The following MYH9 variants were observed in gnomAD, a reference collection of about 807,000 sequenced individuals.
MYH9 encodes the protein myosin heavy chain 9, also known as myosin-9.
A neutral mutation model predicts 241.9 loss-of-function variants in MYH9; 29 were observed. That is an observed-to-expected ratio of 0.12 (90% confidence interval 0.09 to 0.16). The LOEUF is 0.16. MYH9 is among the 10% of genes least tolerant of loss of function. The pLI, the probability that MYH9 is intolerant of heterozygous loss-of-function variation, is 1.00. For synonymous variants in MYH9, 1,047 were observed against 1,062.6 expected (o/e 0.99, Z 0.29); for missense variants, 1,803 against 2,595.5 (o/e 0.69, Z 6.63).
At chr22:36,370,766 G>C (rs2018078175) in intron 1 of MYH9, among the ~76,000 whole-genome samples, 1 of 150,770 alleles carries the variant, frequency 6.6e-6, no homozygotes, top group African/African-American at 2.4e-5. Flanking sequence ...CCCCCACCCA[G>C]TTCTCAAGTG....
rs1454195423 is a variant in MYH9 at position 36,301,037 on chromosome 22, C to T, written c.2652G>A (p.Gln884=). The change falls in exon 22 of 41, where the codon CAG becomes CAA. Residue 884 remains glutamine (Q), a synonymous_variant. Transcript: ENST00000216181. Reference sequence around the variant, plus strand: ...TTTCTGCCTGGAGCTGCTCCTGCAGCTGCAATTTCTCTGCCATGAGCTGCA... The same window carrying T: ...TTTCTGCCTGGAGCTGCTCCTGCAGTTGCAATTTCTCTGCCATGAGCTGCA... ...LQSQLMAEKL[Q]LQEQLQAETE... is the part of the protein sequence containing the mutation. The T allele has an allele frequency of 3.1e-6, 5 of 1,610,594 alleles. No homozygotes were observed. The highest frequency in any genetic ancestry group is 1.7e-5 in the Admixed American group (1 of 60,026).
intron 11 of MYH9, among the ~76,000 whole-genome samples, 154 bp from the exon 12 acceptor site, chr22:36,316,823 G>C (rs2017161034): frequency 6.6e-6 from 1 of 152,110 alleles, no homozygotes; most frequent in Non-Finnish European, 1.5e-5. Flanking sequence ...ACACAAATAT[G>C]TTCACTGTGG....
At chr22:36,328,078 TGTGTC>T (rs1426626346) in intron 3 of MYH9, among the ~76,000 whole-genome samples, 1 of 152,226 alleles carries the variant, frequency 6.6e-6, no homozygotes, top group Non-Finnish European at 1.5e-5. Context: ...TAACAGTACT[TGTGTC>T]CACAACACAT....
At chr22:36,290,920 C>T (rs1225261662) in intron 31 of MYH9, among the ~76,000 whole-genome samples, 2 of 151,894 alleles carry the variant, frequency 1.3e-5, no homozygotes, top group South Asian at 2.1e-4. Flanking sequence ...GCAACCGCCC[C>T]GTCTGAGAGG....
In MYH9 at chr22:36,349,432, C is replaced by T. The variant is rs2017732907; in HGVS notation, c.-19-177G>A. Among the ~76,000 whole-genome samples, 6 of 152,238 alleles carry T rather than the reference C, an allele frequency of 3.9e-5. No homozygotes were observed. The South Asian group carries it at 1.2e-3, about 32-fold the overall frequency. Reference sequence around the variant, plus strand: ...ACTTTTGGGATAAAGATGTGCATCACTGAAAAAACAAGTTGGGCCCAGGAC... The same window carrying T: ...ACTTTTGGGATAAAGATGTGCATCATTGAAAAAACAAGTTGGGCCCAGGAC... On this transcript the variant is annotated intron_variant, in intron 1 of 40. Coordinates refer to ENST00000216181, the MANE Select transcript of MYH9 (RefSeq NM_002473.6).
In MYH9 at chr22:36,295,135, G is replaced by C; in HGVS notation, c.3486-59C>G. 1.2e-6 allele frequency: 2 copies of C among 1,611,896 alleles called. No individual in the cohort carries two copies. Among genetic ancestry groups the C allele is most frequent in the South Asian group, 2.2e-5 (2 of 91,024 alleles). On this transcript the variant is annotated intron_variant, in intron 26 of 40. Transcript: ENST00000216181. The surrounding 1 kb of genome is among the most constrained non-coding windows in gnomAD (Gnocchi z 4.1). The stretch of plus-strand genomic sequence containing the variant: ...GGGATGCTGGAGCGAGGCTGTCCCT[G>C]GGGCTCTTCCCTGACCAAAGAGAGG...
chr22:36,380,306 C>T (rs1056824062), intron 1 of MYH9, among the ~76,000 whole-genome samples: 1 of 152,230 alleles, frequency 6.6e-6, no homozygotes, highest in Non-Finnish European at 1.5e-5. Context: ...ATTCAAAACA[C>T]CCCTCTGATC....
intron 1 of MYH9, among the ~76,000 whole-genome samples, chr22:36,352,933 C>G (rs1461895267): frequency 6.6e-6 from 1 of 152,126 alleles, no homozygotes; most frequent in Non-Finnish European, 1.5e-5. Flanking sequence ...GCGCCAAGAT[C>G]AATACACGGG....
intron 7 of MYH9, 25 bp downstream of exon 7, chr22:36,321,733 T>G (rs1293576695): frequency 6.2e-7 from 1 of 1,609,536 alleles, no homozygotes; most frequent in Admixed American, 1.7e-5. Flanking sequence ...TCCAGGACTC[T>G]TATCCCAACG....
intron 13 of MYH9, 86 bp downstream of exon 13, chr22:36,314,059 C>A (rs2017111133): frequency 6.6e-7 from 1 of 1,508,422 alleles, no homozygotes; most frequent in Non-Finnish European, 9.2e-7. Context: ...ACCTCCACAA[C>A]CAACACAGAG....
intron 40 of MYH9, 91 bp from the exon 41 acceptor site, chr22:36,282,876 G>C (rs764938016): frequency 7.9e-5 from 93 of 1,182,566 alleles, no homozygotes; most frequent in Non-Finnish European, 1.1e-4. Flanking sequence ...GTGAATTCGA[G>C]AGGGAAACCA....
chr22:36,302,571 G>A lies in MYH9; in HGVS notation c.2496C>T (p.Thr832=), dbSNP rs769382495. 16 of 1,612,700 alleles carry A rather than the reference G, an allele frequency of 9.9e-6. 1 individual carries two copies. In the South Asian group the frequency reaches 1.8e-4, roughly 18 times the overall value. The change falls in exon 20 of 41, where the codon ACC becomes ACT. Residue 832 remains threonine, a synonymous_variant. Transcript: ENST00000216181. The stretch of plus-strand genomic sequence containing the variant: ...AGGAGGCCCTTCTAGCACGCACCTT[G>A]GTGAAGAGCCGCCACCACTGCCAGT... ...LRNWQWWRLF[T]KVKPLLQVSR... is the part of the protein sequence containing the mutation.
intron 25 of MYH9, among the ~76,000 whole-genome samples, chr22:36,296,540 CTTTT>C (rs67917055): frequency 3.0e-5 from 3 of 100,876 alleles, no homozygotes. Flanking sequence ...CTGGTCAAGT[CTTTT>C]TTTTTTTTTT....
rs145512653 is a variant in MYH9, at chr22:36,322,562, C to G, written c.613-41G>C. 898 of 1,595,864 alleles carry G rather than the reference C, an allele frequency of 5.6e-4. 6 individuals carry two copies. The East Asian group carries it at 0.018, about 33-fold the overall frequency. On this transcript the variant is annotated intron_variant, in intron 5 of 40. Transcript: ENST00000216181. ...GGACGCAGTGAAGGCCGGGCAGCGACCTGGGCTGCCGAGCCTGCCCTGCCT... is the reference window on the plus strand; with the variant it reads ...GGACGCAGTGAAGGCCGGGCAGCGAGCTGGGCTGCCGAGCCTGCCCTGCCT...
In MYH9 at chr22:36,300,900, C is replaced by T. The variant is rs727504740; in HGVS notation, c.2789G>A (p.Arg930His). 31 of 1,606,404 alleles carry T rather than the reference C, an allele frequency of 1.9e-5. No homozygotes were observed. Among genetic ancestry groups the T allele is most frequent in the Admixed American group, 5.0e-5 (3 of 60,022 alleles). Residue 930 changes from arginine to histidine, a missense_variant, in exon 22 of 41, where the codon CGC becomes CAC. Arg to His is a conservative substitution (Grantham distance 29). This residue lies in a region of MYH9 where 290 missense variants were observed against 360.5 expected (regional missense o/e 0.80). Coordinates refer to ENST00000216181, the MANE Select transcript of MYH9 (RefSeq NM_002473.6). This position sits in a 1 kb window ranked among gnomAD's most constrained non-coding sequence, Gnocchi z 5.0. ...CTTCTCCGCCTGCAGGTGCTGGCAG[C>T]GCTCCTCCTCCTCCTCCACCCTGGC... ...LEARVEEEEE[R>H]CQHLQAEKKK...
rs2017066362 is a variant in MYH9, at chr22:36,311,723, T to G, written c.1728+326A>C. ...TCAAACAGCTTATGAGTGGCAGAGC[T>G]CTATTCAAACTCTGAGCACATGCCT... On this transcript the variant is annotated intron_variant, in intron 14 of 40. Transcript: ENST00000216181. 3.3e-5 allele frequency among the ~76,000 whole-genome samples: 5 copies of G among 152,244 alleles called. No homozygotes were observed. The South Asian group carries it at 1.0e-3, about 32-fold the overall frequency.
Position 36,305,072 on chromosome 22 carries a change from G to C in MYH9, c.2190C>G (p.Pro730=), listed in dbSNP as rs748369432. Reference sequence around the variant, plus strand: ...CCTGCTTCCCGTCCATGAAACCCTTGGGAATGGAGTTTGGAGTCAGGATCT... The same window carrying C: ...CCTGCTTCCCGTCCATGAAACCCTTCGGAATGGAGTTTGGAGTCAGGATCT... ...RYEILTPNSI[P]KGFMDGKQAC... is the part of the protein sequence containing the mutation. The change falls in exon 18 of 41, where the codon CCC becomes CCG. Residue 730 remains proline, a synonymous_variant. Transcript: ENST00000216181. This position sits in a 1 kb window ranked among gnomAD's most constrained non-coding sequence, Gnocchi z 4.7. 5.6e-6 allele frequency: 9 copies of C among 1,614,070 alleles called. No homozygotes were observed. Among genetic ancestry groups the C allele is most frequent in the Non-Finnish European group, 7.6e-6 (9 of 1,179,952 alleles).
At chr22:36,309,171 T>G in intron 15 of MYH9, 111 bp downstream of exon 15, 1 of 912,838 alleles carries the variant, frequency 1.1e-6, no homozygotes, top group African/African-American at 1.6e-5. Context: ...ACCTGGCCTA[T>G]GTCAGGGGGC....
intron 1 of MYH9, among the ~76,000 whole-genome samples, chr22:36,360,548 C>T (rs1207087472): frequency 6.6e-6 from 1 of 151,716 alleles, no homozygotes; most frequent in African/African-American, 2.4e-5. Context: ...CCCGTCTCTA[C>T]TAAAAATACA....
Sources: allele counts gnomAD v4.1 joint callset (sites outside exome capture counted in the v4.1 genomes callset), GRCh38; gene constraint gnomAD v4.1.1; regional missense constraint gnomAD v4.1.1; non-coding constraint Gnocchi (gnomAD v3.1); transcripts MANE v1.5; gene names NCBI Gene and HGNC (gene_info 2026-07-23, HGNC 2026-07-21).